Variants in GPRC5B observed in about 807,000 individuals in gnomAD.
GPRC5B encodes G protein-coupled receptor class C group 5 member B.
In GPRC5B, 16 loss-of-function variants were observed where a neutral mutation model predicts 30.1. The observed-to-expected ratio is 0.53, with a 90% confidence interval of 0.36 to 0.81. GPRC5B has a LOEUF of 0.81. Among genes scored for constraint, GPRC5B ranks in the 30% least tolerant of loss-of-function variants. GPRC5B has a pLI of 0.01. For missense variants in GPRC5B, 428 were observed against 544.7 expected (o/e 0.79, Z 2.13); for synonymous variants, 241 against 239.5 (o/e 1.01, Z -0.06).
upstream of GPRC5B, chr16:19,884,926 C>G (rs2056839301): frequency 2.1e-6 from 2 of 937,526 alleles, no homozygotes; most frequent in Non-Finnish European, 2.5e-6. Context: ...CCCGCCCCCG[C>G]CCCCGCCCCC....
In GPRC5B at chr16:19,872,656, C is replaced by A; in HGVS notation, c.190G>T (p.Gly64Trp). 6.2e-7 allele frequency: 1 copy of A among 1,613,934 alleles called. No homozygotes were observed. The highest frequency in any genetic ancestry group is 8.5e-7 in the Non-Finnish European group (1 of 1,179,818). Reference sequence around the variant, plus strand: ...AGCAGTGTGATCAGGGCGCCCGCCCCGGCCACCGCCTCCACCACAATGCCC... The same window carrying A: ...AGCAGTGTGATCAGGGCGCCCGCCCAGGCCACCGCCTCCACCACAATGCCC... ...IWGIVVEAVA[G>W]AGALITLLLM... is the part of the protein sequence containing the mutation. Residue 64 changes from glycine to tryptophan, a missense_variant, in exon 2 of 4, where the codon GGG becomes TGG. By Grantham distance (184) the Gly-to-Trp change is radical. Around this residue, in one of 3 missense-constraint regions of GPRC5B, gnomAD observed 196 missense variants for 272.6 expected, o/e 0.72. Transcript: ENST00000300571. The surrounding 1 kb of genome is among the most constrained non-coding windows in gnomAD (Gnocchi z 5.0).
At chr16:19,875,103 T>C (rs2056750958) in intron 1 of GPRC5B, among the ~76,000 whole-genome samples, 1 of 152,164 alleles carries the variant, frequency 6.6e-6, no homozygotes, top group Non-Finnish European at 1.5e-5. Flanking sequence ...CCTGTGAGCA[T>C]CTCAGATCCT....
Position 19,873,689 on chromosome 16 carries a change from C to T in GPRC5B, c.-1-843G>A, listed in dbSNP as rs531441517. Among the ~76,000 whole-genome samples, 77 of 152,258 alleles carry T rather than the reference C, an allele frequency of 5.1e-4. No homozygotes were observed. In the East Asian group the frequency reaches 0.013, roughly 26 times the overall value. On this transcript the variant is annotated intron_variant, in intron 1 of 3. Coordinates refer to ENST00000300571, the MANE Select transcript of GPRC5B (RefSeq NM_016235.3). ...GACCTCCATCTTACAGGTGACAATA[C>T]AGAGTCTCCAGGAGGTGACAACCTT...
At position 19,872,447 on chromosome 16, in the gene GPRC5B, A is replaced by G. The variant is rs1406060290; in HGVS notation, c.399T>C (p.Phe133=). 1 of 1,613,874 alleles carries G rather than the reference A, an allele frequency of 6.2e-7. No individual in the cohort carries two copies. The highest frequency in any genetic ancestry group is 1.3e-5 in the African/African-American group (1 of 74,942). Residue 133 remains phenylalanine (F), a synonymous_variant, in exon 2 of 4, where the codon TTT becomes TTC. Transcript: ENST00000300571. This position sits in a 1 kb window ranked among gnomAD's most constrained non-coding sequence, Gnocchi z 5.0. The part of the protein sequence containing the change: ...SVRRFLWGVL[F]ALCFSCLLSQ... ...TCAGCAGGCAGGAGAAGCAGAGCGC[A>G]AAGAGGACGCCCCAGAGGAAGCGGC...
Position 19,878,183 on chromosome 16 carries a change from A to C in GPRC5B, c.-1-5337T>G, listed in dbSNP as rs550304407. On this transcript the variant is annotated intron_variant, in intron 1 of 3. Transcript: ENST00000300571. Reference sequence around the variant, plus strand: ...CACTGCACTCTAGCCTGGGCAACAGAGTGAGACTCCGTCTTAAAAACAAAC... The same window carrying C: ...CACTGCACTCTAGCCTGGGCAACAGCGTGAGACTCCGTCTTAAAAACAAAC... Among the ~76,000 whole-genome samples the C allele has an allele frequency of 1.3e-4, 19 of 141,694 alleles. No individual in the cohort carries two copies. In the South Asian group the frequency reaches 4.3e-3, roughly 32 times the overall value. 93.0% of individuals were successfully genotyped at this position (141,694 alleles called of 152,430 possible).
At chr16:19,861,322 G>T (rs2056620963) in intron 3 of GPRC5B, among the ~76,000 whole-genome samples, 1 of 152,178 alleles carries the variant, frequency 6.6e-6, no homozygotes, top group African/African-American at 2.4e-5. Flanking sequence ...TCTGCTGAAG[G>T]TCTGTTTGGC....
chr16:19,880,890 C>T (rs1200051562), intron 1 of GPRC5B: 4 of 109,706 alleles, frequency 3.6e-5, no homozygotes, highest in Admixed American at 1.7e-4. Flanking sequence ...ACCCTGTGTC[C>T]CCTCGACCCC....
At position 19,860,312 on chromosome 16, in the gene GPRC5B, A is replaced by G; in HGVS notation, c.*188T>C. 1 of 580,812 alleles carries G rather than the reference A, an allele frequency of 1.7e-6. No individual in the cohort carries two copies. Among genetic ancestry groups the G allele is most frequent in the Non-Finnish European group, 3.1e-6 (1 of 325,172 alleles). The allele number at this position is 580,812 out of a possible 1,614,324, so 36.0% of individuals were successfully genotyped here. A position where few individuals can be genotyped will look rare whatever the true frequency, so the allele number is the denominator to read the frequency against. On this transcript the variant is annotated 3_prime_UTR_variant, in exon 4 of 4. Transcript: ENST00000300571. Reference sequence around the variant, plus strand: ...TGTGTGTGGCAGGGGAGGGGCGGGCAGTCGGTGTTAGCTTTTCAGTTCGTC... The same window carrying G: ...TGTGTGTGGCAGGGGAGGGGCGGGCGGTCGGTGTTAGCTTTTCAGTTCGTC...
intron 3 of GPRC5B, among the ~76,000 whole-genome samples, chr16:19,861,528 T>A (rs938119709): frequency 6.6e-6 from 1 of 152,130 alleles, no homozygotes; most frequent in African/African-American, 2.4e-5. Context: ...TCTGGGCTTT[T>A]TCCAAAAGTC....
chr16:19,880,537 A>G (rs1042202167), intron 1 of GPRC5B, among the ~76,000 whole-genome samples: 1 of 152,202 alleles, frequency 6.6e-6, no homozygotes, highest in Admixed American at 6.5e-5. Context: ...TCCCCCATCA[A>G]ACATCAACGA....
chr16:19,874,899 G>A (rs2056749550), intron 1 of GPRC5B: 1 of 148,642 alleles, frequency 6.7e-6, no homozygotes, highest in Non-Finnish European at 1.5e-5. Context: ...TGCTTTTGAA[G>A]GGAGCCTGGT....
At chr16:19,867,717 T>G (rs2056678484) in intron 2 of GPRC5B, among the ~76,000 whole-genome samples, 1 of 152,136 alleles carries the variant, frequency 6.6e-6, no homozygotes, top group South Asian at 2.1e-4. Context: ...GATTAGGCCA[T>G]CAGGGTGGAG....
At chr16:19,883,488 G>A (rs1032077471) in intron 1 of GPRC5B, among the ~76,000 whole-genome samples, 3 of 152,236 alleles carry the variant, frequency 2.0e-5, no homozygotes. Flanking sequence ...CCGCAAGCCC[G>A]AGTCCCCACC....
At chr16:19,870,930 G>A (rs1222872739) in intron 2 of GPRC5B, among the ~76,000 whole-genome samples, 1 of 151,704 alleles carries the variant, frequency 6.6e-6, no homozygotes, top group Non-Finnish European at 1.5e-5. Flanking sequence ...TGCAAAAGAA[G>A]CCAGAAACCT....
chr16:19,879,542 A>C (rs1304784468), intron 1 of GPRC5B, among the ~76,000 whole-genome samples: 1 of 152,154 alleles, frequency 6.6e-6, no homozygotes, highest in Non-Finnish European at 1.5e-5. Flanking sequence ...TGGGGCCTGC[A>C]GAGGGCGAAC....
rs2056598378 is a variant in GPRC5B, at chr16:19,859,023, T to G, written c.*1477A>C. On this transcript the variant is annotated 3_prime_UTR_variant, in exon 4 of 4. Transcript: ENST00000300571. ...ACATACTCAGCTCAGACGTACTGGC[T>G]TATGAAGCGGTCAGTCCTCCCCCGG... is the stretch of plus-strand genomic sequence containing the variant. The G allele has an allele frequency of 6.5e-6, 1 of 154,034 alleles. No individual in the cohort carries two copies. The highest frequency in any genetic ancestry group is 1.4e-5 in the Non-Finnish European group (1 of 69,220). The allele number at this position is 154,034 out of a possible 1,614,324, so 9.5% of individuals were successfully genotyped here.
At position 19,860,359 on chromosome 16, in the gene GPRC5B, TC is replaced by T; in HGVS notation, c.*140del. ...CGTCAGTGTTCACATTTACACGAAA[TC>T]CCCTTGGCTAGGATTTCCAAATTTC... is the stretch of plus-strand genomic sequence containing the variant. On this transcript the variant is annotated 3_prime_UTR_variant, in exon 4 of 4. Coordinates refer to ENST00000300571, the MANE Select transcript of GPRC5B (RefSeq NM_016235.3). The T allele has an allele frequency of 1.6e-6, 1 of 624,904 alleles. No individual in the cohort carries two copies. Among genetic ancestry groups the T allele is most frequent in the Non-Finnish European group, 2.9e-6 (1 of 349,534 alleles). The allele number at this position is 624,904 out of a possible 1,614,324, so 38.7% of individuals were successfully genotyped here. A position where few individuals can be genotyped will look rare whatever the true frequency, so the allele number is the denominator to read the frequency against.
chr16:19,875,887 G>A (rs187134932), intron 1 of GPRC5B, among the ~76,000 whole-genome samples: 1 of 152,316 alleles, frequency 6.6e-6, no homozygotes, highest in African/African-American at 2.4e-5. Context: ...CATCATCCTA[G>A]CACAATTGCT....
rs571330598 is a variant in GPRC5B at position 19,870,814 on chromosome 16, C to T, written c.1030+1002G>A. Among the ~76,000 whole-genome samples the T allele has an allele frequency of 2.0e-5, 3 of 152,298 alleles. No homozygotes were observed. In the East Asian group the frequency reaches 5.8e-4, roughly 29 times the overall value. On this transcript the variant is annotated intron_variant, in intron 2 of 3. Transcript: ENST00000300571. ...CCCATCTAAAGGGCAGCCACAAGTC[C>T]AGGAGGGGCCAGAGGCAGGGCCCTT...
Sources: allele counts gnomAD v4.1 joint callset (sites outside exome capture counted in the v4.1 genomes callset), GRCh38; gene constraint gnomAD v4.1.1; regional missense constraint gnomAD v4.1.1; non-coding constraint Gnocchi (gnomAD v3.1); transcripts MANE v1.5; gene names NCBI Gene and HGNC (gene_info 2026-07-23, HGNC 2026-07-21).